Variants in DRC1 observed in about 807,000 individuals in gnomAD.
DRC1 encodes dynein regulatory complex protein 1.
DRC1 carries 74 observed loss-of-function variants against 98.7 expected under a neutral mutation model. The observed-to-expected ratio is 0.75, with a 90% confidence interval of 0.62 to 0.91. The LOEUF is 0.91. Ranked by LOEUF, DRC1 falls within the 40% of genes least tolerant of loss-of-function variation. The pLI is 0.00. For synonymous variants in DRC1, 336 were observed against 334.1 expected (o/e 1.01, Z -0.06); for missense variants, 875 against 886.0 (o/e 0.99, Z 0.16).
chr2:26,454,682 T>G lies in DRC1; in HGVS notation c.1955T>G (p.Val652Gly), dbSNP rs752777750. Residue 652 changes from valine (V) to glycine (G), a missense_variant, in exon 15 of 17, where the codon GTG (valine) becomes GGG (glycine). Transcript: ENST00000288710. The surrounding 1 kb of genome is among the most constrained non-coding windows in gnomAD (Gnocchi z 5.2). ...SRAPLRVQKN[V>G]RDNSKDSEYW... The stretch of plus-strand genomic sequence containing the variant: ...GCCCCGCTGAGGGTACAGAAGAATG[T>G]GCGTGACAACTCCAAGGACTCGGAG... 2.5e-6 allele frequency: 4 copies of G among 1,614,066 alleles called. No individual in the cohort carries two copies. The Admixed American group carries it at 6.7e-5, about 27-fold the overall frequency.
chr2:26,416,290 C>T (rs1451478766), intron 2 of DRC1, among the ~76,000 whole-genome samples: 1 of 151,900 alleles, frequency 6.6e-6, no homozygotes, highest in Non-Finnish European at 1.5e-5. Context: ...TGCTCTGTCA[C>T]CAGGCTGGAG....
At position 26,440,504 on chromosome 2, in the gene DRC1, A is replaced by C; in HGVS notation, c.1015A>C (p.Arg339=). The C allele has an allele frequency of 6.2e-7, 1 of 1,610,764 alleles. No individual in the cohort carries two copies. The highest frequency in any genetic ancestry group is 2.2e-5 in the East Asian group (1 of 44,830). Residue 339 remains arginine (R), a synonymous_variant, in exon 8 of 17, where the codon AGG becomes CGG. Transcript: ENST00000288710. ...CACAGTAATTAAATCCCAGCAGAAG[A>C]GGAAGATCAATCGGTAAGCTAGCAT... ...ESTVIKSQQK[R]KINRLHDILN...
In DRC1 at chr2:26,431,974, A is replaced by G. The variant is rs1209586026; in HGVS notation, c.856A>G (p.Met286Val). 4 of 1,614,068 alleles carry G rather than the reference A, an allele frequency of 2.5e-6. No homozygotes were observed. Among genetic ancestry groups the G allele is most frequent in the Non-Finnish European group, 3.4e-6 (4 of 1,180,012 alleles). Residue 286 changes from methionine to valine, a missense_variant, in exon 7 of 17, where the codon ATG (methionine) becomes GTG (valine). Met to Val is a conservative substitution (Grantham distance 21, BLOSUM62 1). Transcript: ENST00000288710. ...QRIWDCEEYN[M>V]IKIKLEQDVQ... ...GATCTGGGATTGCGAAGAATACAAC[A>G]TGATCAAGATCAAGCTGGAGCAGGA...
intron 1 of DRC1, among the ~76,000 whole-genome samples, chr2:26,410,106 T>G (rs1304382517): frequency 2.0e-5 from 3 of 149,278 alleles, no homozygotes; most frequent in Non-Finnish European, 4.5e-5. Context: ...CTAAAAGGAG[T>G]GTTCAGAGAA....
rs1220815148 is a variant in DRC1, at chr2:26,450,977, T to C, written c.1689+296T>C. On this transcript the variant is annotated intron_variant, in intron 13 of 16. Transcript: ENST00000288710. The stretch of plus-strand genomic sequence containing the variant: ...CCCATTTATGAGTGAGAACATGCGG[T>C]GTTTGGTTTTCTGATCTTGTGATCG... 4.1e-5 allele frequency among the ~76,000 whole-genome samples: 6 copies of C among 146,358 alleles called. No individual in the cohort carries two copies. The Admixed American group carries it at 4.2e-4, about 10-fold the overall frequency.
At chr2:26,418,677 A>ATAATTTATATTATATATAAATTATATT (rs1174529663) in intron 2 of DRC1, among the ~76,000 whole-genome samples, 4 of 88,356 alleles carry the variant, frequency 4.5e-5, no homozygotes, top group East Asian at 5.5e-4. Context: ...TAAATTAAAT[A>ATAATTTATATTATATATAAATTATATT]TAATTTATAT....
chr2:26,404,464 T>A (rs1258577919), intron 1 of DRC1, among the ~76,000 whole-genome samples: 1 of 152,202 alleles, frequency 6.6e-6, no homozygotes, highest in Non-Finnish European at 1.5e-5. Flanking sequence ...TTACCACACT[T>A]GCATAGATGC....
chr2:26,435,663 G>A (rs1663550393), intron 7 of DRC1, among the ~76,000 whole-genome samples: 1 of 151,876 alleles, frequency 6.6e-6, no homozygotes, highest in Non-Finnish European at 1.5e-5. Context: ...GAGAACATGT[G>A]GTATTTGGTT....
chr2:26,447,400 G>A (rs754160467), intron 10 of DRC1, among the ~76,000 whole-genome samples: 5 of 152,092 alleles, frequency 3.3e-5, no homozygotes, highest in Non-Finnish European at 5.9e-5. Flanking sequence ...GTGACAGAGC[G>A]AGACTCTGTC....
At chr2:26,449,625 T>G (rs564166324) in intron 11 of DRC1, among the ~76,000 whole-genome samples, 1 of 152,344 alleles carries the variant, frequency 6.6e-6, no homozygotes, top group African/African-American at 2.4e-5. Context: ...CTGTAGATAT[T>G]TGGGGACAAG....
At chr2:26,441,408 T>A (rs945072040) in intron 8 of DRC1, among the ~76,000 whole-genome samples, 1 of 152,186 alleles carries the variant, frequency 6.6e-6, no homozygotes, top group African/African-American at 2.4e-5. Flanking sequence ...ACTGAATAAA[T>A]GGGATGGCAT....
At chr2:26,414,015 C>T (rs1398223385) in intron 1 of DRC1, among the ~76,000 whole-genome samples, 1 of 151,528 alleles carries the variant, frequency 6.6e-6, no homozygotes, top group Non-Finnish European at 1.5e-5. Context: ...CCTTGGCCTC[C>T]CAAAGCGCTG....
Position 26,453,413 on chromosome 2 carries a change from G to C in DRC1, c.1783G>C (p.Glu595Gln), listed in dbSNP as rs1664058372. Residue 595 changes from glutamate to glutamine, a missense_variant, in exon 14 of 17, where the codon GAG (glutamate) becomes CAG (glutamine). Transcript: ENST00000288710. ...ELELAEQTEM[E>Q]GEKEESLVEG... The stretch of plus-strand genomic sequence containing the variant: ...GGAGCTGGCAGAGCAGACGGAGATG[G>C]AGGGAGAAAAGGAAGAAAGCCTGGT... The C allele has an allele frequency of 3.5e-5, 56 of 1,614,214 alleles. No homozygotes were observed. Among genetic ancestry groups the C allele is most frequent in the Non-Finnish European group, 4.7e-5 (55 of 1,180,052 alleles).
chr2:26,406,575 G>A (rs1357221385), intron 1 of DRC1, among the ~76,000 whole-genome samples: 1 of 152,066 alleles, frequency 6.6e-6, no homozygotes, highest in Non-Finnish European at 1.5e-5. Flanking sequence ...GCCTGGCTTG[G>A]TGGCACACTC....
intron 1 of DRC1, among the ~76,000 whole-genome samples, chr2:26,413,877 C>T (rs1678704480): frequency 6.6e-6 from 1 of 151,738 alleles, no homozygotes; most frequent in Non-Finnish European, 1.5e-5. Flanking sequence ...AGATATTCTC[C>T]TGTATTTACT....
intron 11 of DRC1, 65 bp downstream of exon 11, chr2:26,448,868 T>C: frequency 6.5e-7 from 1 of 1,530,366 alleles, no homozygotes; most frequent in South Asian, 1.1e-5. Flanking sequence ...AGGCCTCTGC[T>C]GGGCCAGTGC....
chr2:26,433,396 A>G (rs1663489191), intron 7 of DRC1, among the ~76,000 whole-genome samples: 1 of 152,170 alleles, frequency 6.6e-6, no homozygotes, highest in Non-Finnish European at 1.5e-5. Context: ...TTACAAATAT[A>G]TTTACCAGTC....
intron 4 of DRC1, among the ~76,000 whole-genome samples, chr2:26,425,748 G>T (rs1345479282): frequency 6.6e-6 from 1 of 152,058 alleles, no homozygotes; most frequent in Non-Finnish European, 1.5e-5. Flanking sequence ...TAAATCCTTT[G>T]CTTATTTTTA....
intron 6 of DRC1, 36 bp from the exon 7 acceptor site, chr2:26,431,848 G>T (rs575111300): frequency 1.9e-6 from 3 of 1,611,582 alleles, no homozygotes; most frequent in Middle Eastern, 1.7e-4. Context: ...GGCAAGGATG[G>T]TCCCTAACTT....
Sources: gnomAD v4.1 joint callset for allele counts (sites outside exome capture counted in the v4.1 genomes callset) on GRCh38, gnomAD v4.1.1 for gene constraint, Gnocchi (gnomAD v3.1) non-coding constraint, MANE v1.5 for transcripts, NCBI Gene and HGNC (gene_info 2026-07-23, HGNC 2026-07-21) for gene names.